AKAP6: variants seen among roughly 807,000 people sequenced by gnomAD.
AKAP6 encodes A-kinase anchoring protein 6.
In AKAP6, 58 loss-of-function variants were observed where a neutral mutation model predicts 188.5. The observed-to-expected ratio is 0.31, with a 90% CI of 0.25 to 0.38. AKAP6 has a LOEUF of 0.38. Ranked by LOEUF, AKAP6 falls within the 10% of genes least tolerant of loss-of-function variation. The pLI is 1.00. For synonymous variants in AKAP6, 989 were observed against 998.6 expected (o/e 0.99, Z 0.18); for missense variants, 2,710 against 2,740.0 (o/e 0.99, Z 0.24).
intron 3 of AKAP6, among the ~76,000 whole-genome samples, chr14:32,542,383 T>C (rs1181775347): frequency 6.6e-6 from 1 of 152,230 alleles, no homozygotes; most frequent in African/African-American, 2.4e-5. Flanking sequence ...ACGAGTACCC[T>C]GGTAAGACAA....
chr14:32,826,318 G>C (rs1594991135), intron 13 of AKAP6, among the ~76,000 whole-genome samples: 1 of 152,182 alleles, frequency 6.6e-6, no homozygotes, highest in South Asian at 2.1e-4. Context: ...AAGTAGGAGA[G>C]AGAGAAATGT....
Position 32,834,943 on chromosome 14 carries a change from T to A in AKAP6, c.*5138T>A, listed in dbSNP as rs1245261496. On this transcript the variant is annotated 3_prime_UTR_variant, in exon 14 of 14. Coordinates refer to ENST00000280979, the MANE Select transcript of AKAP6 (RefSeq NM_004274.5). ...TGACGAGCTTCAAACAATTTTTACATTTTTTAGTAGTTAAACAAAAGAATA... is the reference window on the plus strand; with the variant it reads ...TGACGAGCTTCAAACAATTTTTACAATTTTTAGTAGTTAAACAAAAGAATA... 6.6e-6 allele frequency: 1 copy of A among 152,216 alleles called. No homozygotes were observed. Among genetic ancestry groups the A allele is most frequent in the Non-Finnish European group, 1.5e-5 (1 of 68,040 alleles). 9.4% of individuals were successfully genotyped at this position (152,216 alleles called of 1,614,324 possible).
rs201231103 is a variant in AKAP6 at position 32,361,053 on chromosome 14, C to CATATATATATATATAT, written c.-35+31648_-35+31649insTATATATATATATATA. ...TGTGAGCCACTGCACAAGGCCTGAA[C>CATATATATATATATAT]ATACATATATATATATATTTGAGAA... On this transcript the variant is annotated intron_variant, in intron 1 of 13. Transcript: ENST00000280979. Among the ~76,000 whole-genome samples, 560 of 111,886 alleles carry CATATATATATATATAT rather than the reference C, an allele frequency of 5.0e-3. 24 individuals are homozygous for CATATATATATATATAT. Among genetic ancestry groups the CATATATATATATATAT allele is most frequent in the South Asian group, 5.9e-3 (18 of 3,030 alleles). 73.4% of individuals were successfully genotyped at this position (111,886 alleles called of 152,430 possible).
At chr14:32,598,453 A>G (rs777497694) in intron 5 of AKAP6, among the ~76,000 whole-genome samples, 25 of 152,142 alleles carry the variant, frequency 1.6e-4, no homozygotes, top group Non-Finnish European at 2.9e-4. Context: ...AAAGCCATCT[A>G]TGTTTCTTGA....
chr14:32,733,290 C>G (rs564592625), intron 10 of AKAP6: 1 of 152,208 alleles, frequency 6.6e-6, no homozygotes, highest in East Asian at 1.9e-4. Flanking sequence ...GTGCAGGAGA[C>G]AGTACTGTCC....
At chr14:32,689,191 C>A (rs920608307) in intron 8 of AKAP6, among the ~76,000 whole-genome samples, 1 of 152,178 alleles carries the variant, frequency 6.6e-6, no homozygotes, top group African/African-American at 2.4e-5. Context: ...AGCATATTAT[C>A]TAAAAATTTG....
At chr14:32,569,314 A>C (rs1272638094) in intron 4 of AKAP6, among the ~76,000 whole-genome samples, 2 of 152,188 alleles carry the variant, frequency 1.3e-5, no homozygotes, top group African/African-American at 4.8e-5. Context: ...TGGGCGTTTC[A>C]GTATTTGAGT....
At chr14:32,391,184 G>T (rs1210330663) in intron 1 of AKAP6, among the ~76,000 whole-genome samples, 1 of 152,146 alleles carries the variant, frequency 6.6e-6, no homozygotes, top group Non-Finnish European at 1.5e-5. Context: ...TTCAATGTCA[G>T]CTTAAAGCAA....
intron 2 of AKAP6, among the ~76,000 whole-genome samples, chr14:32,511,160 T>G (rs920457433): frequency 6.6e-6 from 1 of 152,182 alleles, no homozygotes; most frequent in African/African-American, 2.4e-5. Context: ...CCTTAGGAAT[T>G]TCCTTGTTGT....
intron 2 of AKAP6, among the ~76,000 whole-genome samples, chr14:32,510,906 G>A (rs1322187763): frequency 6.6e-6 from 1 of 152,064 alleles, no homozygotes; most frequent in Non-Finnish European, 1.5e-5. Context: ...AGGGCTCCTT[G>A]GGGTCACTGA....
chr14:32,492,355 T>TATATATATATATATATATATATATATAG, intron 2 of AKAP6, among the ~76,000 whole-genome samples: 16 of 82,606 alleles, frequency 1.9e-4, no homozygotes, highest in South Asian at 7.0e-4. Context: ...TATATATATA[T>TATATATATATATATATATATATATATAG]AGAGAGAGAG....
intron 5 of AKAP6, among the ~76,000 whole-genome samples, chr14:32,598,533 T>C (rs976971224): frequency 6.6e-6 from 1 of 152,160 alleles, no homozygotes; most frequent in Non-Finnish European, 1.5e-5. Context: ...CCTGCAAACA[T>C]CTATTGAACA....
chr14:32,591,652 T>C (rs897918492), intron 5 of AKAP6, among the ~76,000 whole-genome samples: 4 of 151,138 alleles, frequency 2.6e-5, no homozygotes, highest in East Asian at 3.9e-4. Flanking sequence ...TCTTCTCTTT[T>C]TTTTTTTTTT....
At chr14:32,397,320 G>A (rs1888912895) in intron 1 of AKAP6, among the ~76,000 whole-genome samples, 1 of 152,044 alleles carries the variant, frequency 6.6e-6, no homozygotes, top group African/African-American at 2.4e-5. Flanking sequence ...CCTCAAAGCA[G>A]GTTGAGTAGG....
chr14:32,523,429 C>T (rs980921699), intron 2 of AKAP6, among the ~76,000 whole-genome samples: 4 of 150,794 alleles, frequency 2.7e-5, no homozygotes, highest in African/African-American at 4.9e-5. Context: ...CACCAACTAT[C>T]GAAAAAAGAA....
chr14:32,823,728 A>T lies in AKAP6; in HGVS notation c.5915A>T (p.Asn1972Ile). The T allele has an allele frequency of 6.2e-7, 1 of 1,613,758 alleles. No homozygotes were observed. Among genetic ancestry groups the T allele is most frequent in the Non-Finnish European group, 8.5e-7 (1 of 1,179,920 alleles). The change falls in exon 13 of 14, where the codon AAT (asparagine) becomes ATT (isoleucine). Residue 1972 changes from asparagine (N) to isoleucine (I), a missense_variant. Coordinates refer to ENST00000280979, the MANE Select transcript of AKAP6 (RefSeq NM_004274.5). The stretch of plus-strand genomic sequence containing the variant: ...TGTCCAAATCACCACCATTTTGAAA[A>T]TCAAAGCACTGCCTCTACTCCCACT... ...KKCPNHHHFE[N>I]QSTASTPTEK...
At chr14:32,621,937 A>G (rs1886830784) in intron 7 of AKAP6, among the ~76,000 whole-genome samples, 2 of 152,160 alleles carry the variant, frequency 1.3e-5, no homozygotes, top group Non-Finnish European at 1.5e-5. Context: ...TCATTTAAGT[A>G]TTATAATTGT....
At chr14:32,413,582 C>A (rs1045166604) in intron 1 of AKAP6, among the ~76,000 whole-genome samples, 1 of 152,106 alleles carries the variant, frequency 6.6e-6, no homozygotes, top group Non-Finnish European at 1.5e-5. Flanking sequence ...CCAATTCCTC[C>A]CCAAAACCTA....
At chr14:32,704,754 A>T (rs1025559640) in intron 9 of AKAP6, among the ~76,000 whole-genome samples, 1 of 152,200 alleles carries the variant, frequency 6.6e-6, no homozygotes, top group East Asian at 1.9e-4. Context: ...TATTAATATA[A>T]AAAAGATAAA....
Sources: allele counts gnomAD v4.1 joint callset (sites outside exome capture counted in the v4.1 genomes callset), GRCh38; gene constraint gnomAD v4.1.1; transcripts MANE v1.5; gene names NCBI Gene and HGNC (gene_info 2026-07-23, HGNC 2026-07-21).